Variants in SH3RF1 observed in about 807,000 individuals in gnomAD.
SH3RF1 encodes E3 ubiquitin-protein ligase SH3RF1.
SH3RF1 carries 32 observed loss-of-function variants against 74.0 expected under a neutral mutation model. The ratio of observed to expected loss-of-function variants is 0.43; its 90% CI spans 0.33 to 0.58. SH3RF1 has a LOEUF of 0.58. Ranked by LOEUF, SH3RF1 falls within the 20% of genes least tolerant of loss-of-function variation. SH3RF1 has a pLI of 0.05. For synonymous variants in SH3RF1, 396 were observed against 439.6 expected (o/e 0.90, Z 1.24); for missense variants, 954 against 1,130.9 (o/e 0.84, Z 2.24).
chr4:169,242,234 T>C (rs1055574124), intron 2 of SH3RF1, among the ~76,000 whole-genome samples: 3 of 152,196 alleles, frequency 2.0e-5, no homozygotes, highest in African/African-American at 4.8e-5. Flanking sequence ...ATCTGATGTA[T>C]AATTTAATCA....
At chr4:169,147,804 C>G (rs1198301942) in intron 4 of SH3RF1, among the ~76,000 whole-genome samples, 1 of 152,132 alleles carries the variant, frequency 6.6e-6, no homozygotes, top group African/African-American at 2.4e-5. Context: ...CACACACATG[C>G]TGGACCAGTA....
chr4:169,103,322 C>G (rs1437436724), intron 11 of SH3RF1, among the ~76,000 whole-genome samples: 1 of 151,938 alleles, frequency 6.6e-6, no homozygotes, highest in Non-Finnish European at 1.5e-5. Flanking sequence ...TAGATGAATC[C>G]TACCTCATAG....
intron 4 of SH3RF1, among the ~76,000 whole-genome samples, chr4:169,139,008 G>A (rs1267099496): frequency 6.6e-6 from 1 of 152,192 alleles, no homozygotes; most frequent in Non-Finnish European, 1.5e-5. Flanking sequence ...CTGAAGTGCA[G>A]TGGCACATTC....
At chr4:169,243,539 A>G (rs987193789) in intron 2 of SH3RF1, among the ~76,000 whole-genome samples, 1 of 152,180 alleles carries the variant, frequency 6.6e-6, no homozygotes, top group South Asian at 2.1e-4. Context: ...AATAAATAAT[A>G]AATAATAAAA....
At chr4:169,117,491 C>A (rs1733355903) in intron 9 of SH3RF1, 32 bp downstream of exon 9, 7 of 1,607,662 alleles carry the variant, frequency 4.4e-6, no homozygotes, top group Non-Finnish European at 6.0e-6. Context: ...AGCCCTTTAT[C>A]CTGATATGTT....
chr4:169,103,277 A>G (rs898865084), intron 11 of SH3RF1, among the ~76,000 whole-genome samples: 2 of 151,812 alleles, frequency 1.3e-5, no homozygotes, highest in African/African-American at 4.8e-5. Context: ...TCATGGTTTG[A>G]GAGGAAATTT....
chr4:169,141,401 C>A (rs1189186913), intron 4 of SH3RF1, among the ~76,000 whole-genome samples: 2 of 152,156 alleles, frequency 1.3e-5, no homozygotes, highest in Admixed American at 6.5e-5. Flanking sequence ...TATGTCTTGG[C>A]AGGCTCGTAC....
At chr4:169,208,964 A>T (rs913324949) in intron 2 of SH3RF1, among the ~76,000 whole-genome samples, 2 of 152,186 alleles carry the variant, frequency 1.3e-5, no homozygotes, top group Admixed American at 1.3e-4. Flanking sequence ...AAATGAGACA[A>T]AAGATGAAAA....
At chr4:169,155,757 ACCT>A (rs1449211470) in intron 3 of SH3RF1, among the ~76,000 whole-genome samples, 182 bp from the exon 4 acceptor site, 1 of 152,232 alleles carries the variant, frequency 6.6e-6, no homozygotes, top group South Asian at 2.1e-4. Flanking sequence ...CTACCAGCCC[ACCT>A]GGTGTCCTTT....
chr4:169,251,012 A>AT (rs1242340823), intron 2 of SH3RF1, among the ~76,000 whole-genome samples: 1 of 152,190 alleles, frequency 6.6e-6, no homozygotes, highest in Middle Eastern at 3.2e-3. Context: ...GCTGGAGCAG[A>AT]ATACTTAAGC....
At chr4:169,171,278 A>C (rs1579118297) in intron 2 of SH3RF1, among the ~76,000 whole-genome samples, 1 of 152,228 alleles carries the variant, frequency 6.6e-6, no homozygotes, top group East Asian at 1.9e-4. Context: ...ACCACACAGC[A>C]GCACCAGAGT....
At chr4:169,189,874 C>T (rs1734670624) in intron 2 of SH3RF1, among the ~76,000 whole-genome samples, 1 of 152,174 alleles carries the variant, frequency 6.6e-6, no homozygotes, top group African/African-American at 2.4e-5. Context: ...TTATATCAAG[C>T]ACTCTCTCAG....
rs530456637 is a variant in SH3RF1 at position 169,121,348 on chromosome 4, T to G, written c.1347-359A>C. The stretch of plus-strand genomic sequence containing the variant: ...AACTGAGTTCTTCAAATGGCACTTG[T>G]TAGGCTTGAGAAGTAGCCCCAAATG... On this transcript the variant is annotated intron_variant, in intron 7 of 11. Coordinates refer to ENST00000284637, the MANE Select transcript of SH3RF1 (RefSeq NM_020870.4). 2.6e-5 allele frequency among the ~76,000 whole-genome samples: 4 copies of G among 152,352 alleles called. 1 individual carries two copies. The highest frequency in any genetic ancestry group is 9.6e-5 in the African/African-American group (4 of 41,584).
At chr4:169,200,777 T>C (rs1351773432) in intron 2 of SH3RF1, among the ~76,000 whole-genome samples, 1 of 152,148 alleles carries the variant, frequency 6.6e-6, no homozygotes, top group Admixed American at 6.5e-5. Context: ...GGAAGATACT[T>C]TAGATACCAG....
intron 2 of SH3RF1, among the ~76,000 whole-genome samples, chr4:169,267,440 C>T (rs1352504651): frequency 3.9e-5 from 6 of 152,116 alleles, no homozygotes; most frequent in African/African-American, 1.4e-4. Flanking sequence ...TTAAAATATT[C>T]GAGTCCAAAT....
intron 5 of SH3RF1, among the ~76,000 whole-genome samples, chr4:169,134,198 A>C (rs1424872094): frequency 6.6e-6 from 1 of 152,198 alleles, no homozygotes; most frequent in Non-Finnish European, 1.5e-5. Flanking sequence ...AAACAGAACA[A>C]ACTGGAATAT....
At chr4:169,211,476 C>G (rs185538688) in intron 2 of SH3RF1, among the ~76,000 whole-genome samples, 1,650 of 114,140 alleles carry the variant, frequency 0.014, 23 homozygotes, top group African/African-American at 0.048. Context: ...AGCGAGACTC[C>G]GTCTCAAAAA....
Position 169,216,283 on chromosome 4 carries a change from G to A in SH3RF1, c.393+52537C>T, listed in dbSNP as rs7681923. Among the ~76,000 whole-genome samples, 541 of 152,012 alleles carry A rather than the reference G, an allele frequency of 3.6e-3. 4 individuals are homozygous for A. The highest frequency in any genetic ancestry group is 0.012 in the African/African-American group (507 of 41,502). On this transcript the variant is annotated intron_variant, in intron 2 of 11. Coordinates refer to ENST00000284637, the MANE Select transcript of SH3RF1 (RefSeq NM_020870.4). ...AAAGTCTATATTCTGAAAAAGCTTC[G>A]AAAAAATTGGAAATTATAATGTTTT...
At chr4:169,202,388 G>A (rs1428705454) in intron 2 of SH3RF1, among the ~76,000 whole-genome samples, 1 of 145,328 alleles carries the variant, frequency 6.9e-6, no homozygotes, top group African/African-American at 2.6e-5. Context: ...GGCAAATAGA[G>A]TACAAATTTT....
Sources: gnomAD v4.1 joint callset for allele counts (sites outside exome capture counted in the v4.1 genomes callset) on GRCh38, gnomAD v4.1.1 for gene constraint, MANE v1.5 for transcripts, NCBI Gene and HGNC (gene_info 2026-07-23, HGNC 2026-07-21) for gene names.